MELK: variants seen among roughly 807,000 people sequenced by gnomAD.
MELK encodes the protein maternal embryonic leucine zipper kinase.
In MELK, 81 loss-of-function variants were observed where a neutral mutation model predicts 85.0. The observed-to-expected ratio is 0.95, with a 90% CI of 0.80 to 1.15. The LOEUF (loss-of-function observed/expected upper bound fraction) is 1.15. Among genes scored for constraint, MELK ranks in the 50% most tolerant of loss-of-function variants. MELK has a pLI of 0.00. For synonymous variants in MELK, 252 were observed against 265.0 expected, an observed-to-expected ratio of 0.95 and a Z score of 0.48; for missense variants, 754 against 777.5, an observed-to-expected ratio of 0.97 and a Z score of 0.36.
At chr9:36,630,880 C>T (rs777647621) in intron 9 of MELK, among the ~76,000 whole-genome samples, 11 of 151,926 alleles carry the variant, frequency 7.2e-5, no homozygotes, top group Non-Finnish European at 1.6e-4. Flanking sequence ...TCTCGAACTC[C>T]TGACCTCAAG....
chr9:36,665,663 T>A, intron 14 of MELK, 82 bp downstream of exon 14: 1 of 1,003,374 alleles, frequency 1.0e-6, no homozygotes, highest in Non-Finnish European at 1.4e-6. Flanking sequence ...CAGAAATGAC[T>A]AGCATTGCTT....
rs927429945 is a variant in MELK at position 36,638,026 on chromosome 9, G to T, written c.834+4826G>T. Among the ~76,000 whole-genome samples, 4 of 152,290 alleles carry T rather than the reference G, an allele frequency of 2.6e-5. No homozygotes were observed. The South Asian group carries it at 8.3e-4, about 32-fold the overall frequency. On this transcript the variant is annotated intron_variant, in intron 10 of 17. Coordinates refer to ENST00000298048, the MANE Select transcript of MELK (RefSeq NM_014791.4). ...GAAGCTGTGATGTGCCCCTTGTGAG[G>T]TGGAGAGAGTGGGTGGTGCAAATGC...
chr9:36,665,958 A>G (rs562851538), intron 14 of MELK, among the ~76,000 whole-genome samples: 5 of 152,240 alleles, frequency 3.3e-5, no homozygotes, highest in Admixed American at 2.0e-4. Flanking sequence ...TTTCATGCCC[A>G]TTTACCCCGA....
intron 9 of MELK, among the ~76,000 whole-genome samples, chr9:36,630,669 A>G (rs1168859301): frequency 6.6e-6 from 1 of 152,030 alleles, no homozygotes; most frequent in Non-Finnish European, 1.5e-5. Context: ...ATTGATGGAG[A>G]TAGAGTCTCA....
At chr9:36,616,823 GTTT>G (rs11325318) in intron 8 of MELK, among the ~76,000 whole-genome samples, 18 of 123,998 alleles carry the variant, frequency 1.5e-4, no homozygotes, top group African/African-American at 4.0e-4. Context: ...CCCCTTCCCA[GTTT>G]TTTTTTTTTT....
intron 10 of MELK, among the ~76,000 whole-genome samples, chr9:36,636,756 C>CTTTT (rs1475743865): frequency 2.7e-5 from 3 of 109,198 alleles, no homozygotes; most frequent in Admixed American, 1.1e-4. Context: ...TTCTTTCTTT[C>CTTTT]TTTCTTTCTT....
intron 1 of MELK, among the ~76,000 whole-genome samples, chr9:36,579,667 A>G (rs1821999799): frequency 1.3e-5 from 2 of 152,256 alleles, no homozygotes; most frequent in African/African-American, 4.8e-5. Flanking sequence ...GAACTGCATT[A>G]GCAGTTTTTC....
intron 4 of MELK, among the ~76,000 whole-genome samples, chr9:36,592,022 T>C (rs1463648323): frequency 6.6e-6 from 1 of 152,142 alleles, no homozygotes; most frequent in Non-Finnish European, 1.5e-5. Context: ...TAAATTTTAT[T>C]ATATTGTTAA....
chr9:36,597,937 C>G (rs1824471077), intron 6 of MELK, among the ~76,000 whole-genome samples: 1 of 152,168 alleles, frequency 6.6e-6, no homozygotes, highest in Non-Finnish European at 1.5e-5. Context: ...GTTCTCTAAT[C>G]ATGGTACTCA....
In MELK at chr9:36,579,451, T is replaced by C. The variant is rs1007149115; in HGVS notation, c.-38-2193T>C. ...TGCTGGGATTATAGGCGTGAGCCTC[T>C]GCACCCGGCCTATAAATTATAAGTA... is the stretch of plus-strand genomic sequence containing the variant. On this transcript the variant is annotated intron_variant, in intron 1 of 17. Transcript: ENST00000298048. 1.2e-4 allele frequency among the ~76,000 whole-genome samples: 18 copies of C among 152,382 alleles called. 1 individual carries two copies. The highest frequency in any genetic ancestry group is 8.5e-4 in the Admixed American group (13 of 15,308).
intron 4 of MELK, among the ~76,000 whole-genome samples, chr9:36,591,465 C>G (rs1441819104): frequency 6.6e-6 from 1 of 151,734 alleles, no homozygotes; most frequent in African/African-American, 2.4e-5. Flanking sequence ...TCCCAGCTAC[C>G]TGGGAGGCTG....
intron 13 of MELK, among the ~76,000 whole-genome samples, chr9:36,660,299 A>G (rs1159413167): frequency 1.3e-5 from 2 of 152,108 alleles, no homozygotes; most frequent in East Asian, 1.9e-4. Flanking sequence ...GGCAGCCACA[A>G]TGTGCAACAA....
chr9:36,588,046 T>A (rs1184966739), intron 3 of MELK, among the ~76,000 whole-genome samples: 1 of 151,612 alleles, frequency 6.6e-6, no homozygotes, highest in Non-Finnish European at 1.5e-5. Flanking sequence ...CAATTACAGG[T>A]GTGAGCCACC....
chr9:36,602,487 C>CAAAAAAA (rs765623860), intron 7 of MELK, among the ~76,000 whole-genome samples: 11 of 41,344 alleles, frequency 2.7e-4, no homozygotes, highest in African/African-American at 9.5e-4. Flanking sequence ...AAGACTGTCT[C>CAAAAAAA]AAAAAAAAAA....
chr9:36,669,304 T>C lies in MELK; in HGVS notation c.1409-6T>C. The C allele has an allele frequency of 6.3e-7, 1 of 1,592,590 alleles. No homozygotes were observed. Among genetic ancestry groups the C allele is most frequent in the Non-Finnish European group, 8.6e-7 (1 of 1,165,748 alleles). ...ATATGGATTGTGTTTGTTCTGTTTC[T>C]AATAGCTAGAAACCAGTGCCTGAAA... On this transcript the variant is annotated splice_polypyrimidine_tract_variant and splice_region_variant and intron_variant, in intron 14 of 17. Transcript: ENST00000298048.
intron 10 of MELK, among the ~76,000 whole-genome samples, chr9:36,640,151 C>T (rs993653184): frequency 6.6e-6 from 1 of 152,222 alleles, no homozygotes; most frequent in African/African-American, 2.4e-5. Context: ...GCAAGGCTCT[C>T]TCAGTCTGTT....
At chr9:36,644,089 C>A (rs570920149) in intron 11 of MELK, among the ~76,000 whole-genome samples, 1 of 152,254 alleles carries the variant, frequency 6.6e-6, no homozygotes, top group South Asian at 2.1e-4. Flanking sequence ...CTGAAAGCAA[C>A]AGCAGCGTCA....
intron 16 of MELK, among the ~76,000 whole-genome samples, chr9:36,673,027 G>C (rs929020049): frequency 6.6e-6 from 1 of 152,142 alleles, no homozygotes; most frequent in Non-Finnish European, 1.5e-5. Flanking sequence ...GAGTTGCAAG[G>C]ATAGTAGAAA....
At chr9:36,616,689 A>G (rs533502047) in intron 8 of MELK, among the ~76,000 whole-genome samples, 1 of 152,244 alleles carries the variant, frequency 6.6e-6, no homozygotes, top group South Asian at 2.1e-4. Context: ...GCGCCTGGCC[A>G]TAAAACCTGT....
Sources: allele counts gnomAD v4.1 joint callset (sites outside exome capture counted in the v4.1 genomes callset), GRCh38; gene constraint gnomAD v4.1.1; transcripts MANE v1.5; gene names NCBI Gene and HGNC (gene_info 2026-07-23, HGNC 2026-07-21).